Variants in POFUT3 observed in about 807,000 individuals in gnomAD.
The protein encoded by POFUT3 is protein O-fucosyltransferase 3.
At chr8:33,356,431 A>T in the POFUT3 span, among the ~76,000 whole-genome samples, 1 of 152,088 alleles carries the variant, frequency 6.6e-6, no homozygotes, top group Non-Finnish European at 1.5e-5. Context: ...AGTGATGGTG[A>T]GCATTTTTTC....
the POFUT3 span, among the ~76,000 whole-genome samples, chr8:33,365,840 C>T: frequency 2.1e-4 from 32 of 152,212 alleles, no homozygotes; most frequent in Middle Eastern, 3.4e-3. Context: ...TTGTGGAAGA[C>T]AGTGTGGCAA....
chr8:33,462,993 A>G, the POFUT3 span, among the ~76,000 whole-genome samples: 1 of 151,974 alleles, frequency 6.6e-6, no homozygotes, highest in Non-Finnish European at 1.5e-5. Flanking sequence ...ATGATATTCT[A>G]TGAACTTCAA....
At chr8:33,423,066 C>T in the POFUT3 span, among the ~76,000 whole-genome samples, 11 of 152,118 alleles carry the variant, frequency 7.2e-5, no homozygotes, top group African/African-American at 2.7e-4. Context: ...GTCCACCTAC[C>T]TTGGCCTCCC....
chr8:33,373,093 C>T, the POFUT3 span, among the ~76,000 whole-genome samples: 2 of 152,142 alleles, frequency 1.3e-5, no homozygotes, highest in South Asian at 4.1e-4. Flanking sequence ...AAGCCTTCCC[C>T]TCCCTCTGGT....
chr8:33,458,359 AT>A, the POFUT3 span, among the ~76,000 whole-genome samples: 1 of 152,106 alleles, frequency 6.6e-6, no homozygotes, highest in African/African-American at 2.4e-5. Context: ...CCATGGCATG[AT>A]TTTTTTCTAT....
At chr8:33,358,579 A>C in the POFUT3 span, among the ~76,000 whole-genome samples, 2 of 152,172 alleles carry the variant, frequency 1.3e-5, no homozygotes, top group Non-Finnish European at 2.9e-5. Context: ...TATGGTCAGA[A>C]TGTTTGTTGC....
chr8:33,450,776 G>C, the POFUT3 span, among the ~76,000 whole-genome samples: 1 of 152,170 alleles, frequency 6.6e-6, no homozygotes, highest in African/African-American at 2.4e-5. Context: ...AATTTGGTTG[G>C]AGATTAAGTC....
At chr8:33,347,969 G>C in the POFUT3 span, among the ~76,000 whole-genome samples, 1 of 152,142 alleles carries the variant, frequency 6.6e-6, no homozygotes, top group Non-Finnish European at 1.5e-5. Flanking sequence ...CTCAAGGTCA[G>C]GAGTTCGAGA....
the POFUT3 span, among the ~76,000 whole-genome samples, chr8:33,464,072 G>A: frequency 6.6e-6 from 1 of 152,112 alleles, no homozygotes; most frequent in East Asian, 1.9e-4. Flanking sequence ...AGATCCTCAT[G>A]AGGCCTAATC....
At chr8:33,362,954 T>A in the POFUT3 span, among the ~76,000 whole-genome samples, 2 of 152,100 alleles carry the variant, frequency 1.3e-5, no homozygotes, top group Admixed American at 1.3e-4. Flanking sequence ...CCACCCCAAA[T>A]CAACAGAATA....
chr8:33,372,913 A>C, the POFUT3 span: 1 of 971,578 alleles, frequency 1.0e-6, no homozygotes, highest in East Asian at 2.6e-5. Context: ...ATGGAGCTAA[A>C]GGGGAAAGAA....
chr8:33,400,687 GA>G, the POFUT3 span, among the ~76,000 whole-genome samples: 1,350 of 152,056 alleles, frequency 8.9e-3, 21 homozygotes, highest in African/African-American at 0.031. Context: ...TGAATACTTA[GA>G]AAAAAATATA....
At chr8:33,427,359 T>C in the POFUT3 span, among the ~76,000 whole-genome samples, 99,365 of 151,794 alleles carry the variant, frequency 0.65, 32,886 homozygotes, top group African/African-American at 0.72. Flanking sequence ...GGGCAGATCA[T>C]CTGAGGTCGG....
At chr8:33,363,128 C>T in the POFUT3 span, among the ~76,000 whole-genome samples, 1 of 152,150 alleles carries the variant, frequency 6.6e-6, no homozygotes, top group African/African-American at 2.4e-5. Flanking sequence ...CTCAAAACCG[C>T]ACAACTACAT....
the POFUT3 span, among the ~76,000 whole-genome samples, chr8:33,395,235 T>A: frequency 1.3e-5 from 2 of 152,112 alleles, no homozygotes; most frequent in Non-Finnish European, 2.9e-5. Context: ...ATCCCCACTT[T>A]CCTGCCCAAA....
chr8:33,405,874 T>G, the POFUT3 span, among the ~76,000 whole-genome samples: 31 of 152,340 alleles, frequency 2.0e-4, no homozygotes, highest in African/African-American at 7.5e-4. Flanking sequence ...CAGTTTGTGA[T>G]TTGAGCTTAC....
At chr8:33,359,836 T>C in the POFUT3 span, among the ~76,000 whole-genome samples, 1 of 151,694 alleles carries the variant, frequency 6.6e-6, no homozygotes, top group African/African-American at 2.4e-5. Flanking sequence ...TGAAACCCCA[T>C]CTCTACTAAA....
chr8:33,472,097 G>C, the POFUT3 span, among the ~76,000 whole-genome samples: 3,293 of 152,296 alleles, frequency 0.022, 44 homozygotes, highest in Non-Finnish European at 0.031. Context: ...AAGATTGGTC[G>C]TGAGTTTCCT....
the POFUT3 span, among the ~76,000 whole-genome samples, chr8:33,313,510 A>G: frequency 6.6e-6 from 1 of 152,152 alleles, no homozygotes; most frequent in East Asian, 1.9e-4. Context: ...TTCTCTGAAT[A>G]TGGTGCACAG....
Sources: allele counts gnomAD v4.1 joint callset (sites outside exome capture counted in the v4.1 genomes callset), GRCh38; gene constraint gnomAD v4.1.1; transcripts MANE v1.5; gene names NCBI Gene and HGNC (gene_info 2026-07-23, HGNC 2026-07-21).